Variants in ADAMTSL1 observed in about 807,000 individuals in gnomAD.
The protein encoded by ADAMTSL1 is ADAMTS like 1.
Under a neutral mutation model 201.8 loss-of-function variants are expected in ADAMTSL1, and 126 were observed. That is an observed-to-expected ratio of 0.62 (90% CI 0.54 to 0.72). The LOEUF (loss-of-function observed/expected upper bound fraction) is 0.72. Among genes scored for constraint, ADAMTSL1 ranks in the 30% least tolerant of loss-of-function variants. ADAMTSL1 has a pLI of 0.00. For synonymous variants in ADAMTSL1, 1,121 were observed against 903.4 expected (o/e 1.24, Z -4.32); for missense variants, 2,679 against 2,277.8 (o/e 1.18, Z -3.59).
intron 7 of ADAMTSL1, among the ~76,000 whole-genome samples, chr9:18,642,213 T>C (rs776751): frequency 0.71 from 108,130 of 151,642 alleles, 38,683 homozygotes; most frequent in East Asian, 0.89. Flanking sequence ...TTTTTTTTTC[T>C]TCAAGGCATG....
intron 1 of ADAMTSL1, among the ~76,000 whole-genome samples, chr9:18,030,141 C>T (rs542343992): frequency 6.6e-6 from 1 of 152,300 alleles, no homozygotes; most frequent in East Asian, 1.9e-4. Context: ...AGACTTGGAA[C>T]CAACCCAAAT....
chr9:18,267,491 GT>G (rs1832163901), intron 2 of ADAMTSL1, among the ~76,000 whole-genome samples: 1 of 152,102 alleles, frequency 6.6e-6, no homozygotes, highest in Admixed American at 6.6e-5. Flanking sequence ...GGCAGGAAAT[GT>G]AAAATTTGTG....
intron 2 of ADAMTSL1, among the ~76,000 whole-genome samples, chr9:18,432,743 CA>C (rs1819553204): frequency 6.6e-6 from 1 of 152,120 alleles, no homozygotes; most frequent in Admixed American, 6.5e-5. Context: ...GAAACTCATA[CA>C]ATTATTATAA....
At chr9:18,186,365 G>A (rs1315111808) in intron 2 of ADAMTSL1, among the ~76,000 whole-genome samples, 1 of 151,956 alleles carries the variant, frequency 6.6e-6, no homozygotes, top group East Asian at 1.9e-4. Context: ...GCTTTTTTTG[G>A]TCTTCTCTGC....
chr9:18,623,529 C>G (rs1302808420), intron 5 of ADAMTSL1, among the ~76,000 whole-genome samples: 1 of 152,106 alleles, frequency 6.6e-6, no homozygotes, highest in African/African-American at 2.4e-5. Flanking sequence ...ATTTGCAAAG[C>G]AGATAGATGG....
At chr9:18,373,964 T>C (rs949063531) in intron 2 of ADAMTSL1, among the ~76,000 whole-genome samples, 1 of 152,156 alleles carries the variant, frequency 6.6e-6, no homozygotes, top group Non-Finnish European at 1.5e-5. Flanking sequence ...TATTGGGCAG[T>C]TATCATAGAC....
At chr9:18,723,815 G>T (rs1394733884) in intron 15 of ADAMTSL1, 2 of 152,190 alleles carry the variant, frequency 1.3e-5, no homozygotes, top group South Asian at 4.2e-4. Context: ...TTGTATAGAG[G>T]TGCCTTTCCT....
intron 10 of ADAMTSL1, among the ~76,000 whole-genome samples, chr9:18,676,175 T>TG (rs1228126309): frequency 2.6e-5 from 4 of 152,078 alleles, no homozygotes; most frequent in African/African-American, 9.7e-5. Context: ...ATACAGTTTA[T>TG]GGGTTTATAT....
intron 27 of ADAMTSL1, among the ~76,000 whole-genome samples, chr9:18,906,281 G>A (rs2131625054): frequency 6.6e-6 from 1 of 152,244 alleles, no homozygotes; most frequent in African/African-American, 2.4e-5. Context: ...GCTAAGATGA[G>A]AGCCCTTGTT....
At chr9:18,268,322 A>C (rs1587432573) in intron 2 of ADAMTSL1, among the ~76,000 whole-genome samples, 1 of 152,232 alleles carries the variant, frequency 6.6e-6, no homozygotes, top group East Asian at 1.9e-4. Context: ...TGGTTCCCAA[A>C]CCACTGGTTT....
intron 4 of ADAMTSL1, among the ~76,000 whole-genome samples, chr9:18,600,272 A>G (rs1382946449): frequency 6.6e-6 from 1 of 152,184 alleles, no homozygotes; most frequent in Non-Finnish European, 1.5e-5. Context: ...ATCCTCATAT[A>G]TTAAGCTCTA....
rs1389072622 is a variant in ADAMTSL1 at position 18,909,942 on chromosome 9, C to G, written c.*1394C>G. On this transcript the variant is annotated 3_prime_UTR_variant, in exon 29 of 29. Transcript: ENST00000380548. ...GCAGCAAAATGAAAACTCTGGGACTCTTCGGCAAAATCCTCATTAAGCCGA... is the reference window on the plus strand; with the variant it reads ...GCAGCAAAATGAAAACTCTGGGACTGTTCGGCAAAATCCTCATTAAGCCGA... 2.0e-5 allele frequency: 3 copies of G among 152,240 alleles called. No homozygotes were observed. Among genetic ancestry groups the G allele is most frequent in the African/African-American group, 4.8e-5 (2 of 41,436 alleles). The allele number at this position is 152,240 out of a possible 1,614,324, so 9.4% of individuals were successfully genotyped here. A position where few individuals can be genotyped will look rare whatever the true frequency, so the allele number is the denominator to read the frequency against.
At chr9:18,199,543 A>C (rs1829343179) in intron 2 of ADAMTSL1, among the ~76,000 whole-genome samples, 1 of 152,082 alleles carries the variant, frequency 6.6e-6, no homozygotes, top group African/African-American at 2.4e-5. Context: ...AGTTATTTGT[A>C]TTTTGACAGT....
rs1417930503 is a variant in ADAMTSL1, at chr9:18,361,146, T to C, written c.208-143683T>C. Among the ~76,000 whole-genome samples the C allele has an allele frequency of 5.3e-5, 8 of 152,298 alleles. No homozygotes were observed. The East Asian group carries it at 1.5e-3, about 29-fold the overall frequency. On this transcript the variant is annotated intron_variant, in intron 2 of 29. Coordinates refer to the ADAMTSL1 transcript ENST00000680146. The stretch of plus-strand genomic sequence containing the variant: ...TTGTACTGTCGACAGGTTTACATTT[T>C]ACAGCAGTATGTGAATAGCATGAGA...
At chr9:18,040,836 G>A (rs1157151131) in intron 1 of ADAMTSL1, among the ~76,000 whole-genome samples, 4 of 152,068 alleles carry the variant, frequency 2.6e-5, no homozygotes, top group Non-Finnish European at 5.9e-5. Flanking sequence ...ATTTGTCAAA[G>A]GAGTGATCAA....
intron 3 of ADAMTSL1, among the ~76,000 whole-genome samples, chr9:18,534,458 C>T (rs1380083373): frequency 2.0e-5 from 3 of 152,234 alleles, no homozygotes; most frequent in Non-Finnish European, 4.4e-5. Flanking sequence ...CTCTGCAAGA[C>T]TTGAAAAGCA....
chr9:18,650,136 G>C (rs1828128595), intron 7 of ADAMTSL1, among the ~76,000 whole-genome samples: 1 of 152,180 alleles, frequency 6.6e-6, no homozygotes, highest in African/African-American at 2.4e-5. Context: ...CTTGCAGTTT[G>C]ATCTCTGACT....
intron 1 of ADAMTSL1, among the ~76,000 whole-genome samples, chr9:17,998,187 A>G (rs1021408002): frequency 1.3e-5 from 2 of 152,142 alleles, no homozygotes; most frequent in East Asian, 3.9e-4. Context: ...TATTTAATAT[A>G]CAAACATATG....
At chr9:18,013,938 CTA>C (rs141069720) in intron 1 of ADAMTSL1, among the ~76,000 whole-genome samples, 7,300 of 152,024 alleles carry the variant, frequency 0.048, 191 homozygotes, top group South Asian at 0.096. Flanking sequence ...CATTCTGTAA[CTA>C]TGGTAAAAGA....
Sources: allele counts gnomAD v4.1 joint callset (sites outside exome capture counted in the v4.1 genomes callset), GRCh38; gene constraint gnomAD v4.1.1; transcripts MANE v1.5; gene names NCBI Gene and HGNC (gene_info 2026-07-23, HGNC 2026-07-21).